The following ZNF644 variants were observed in gnomAD, a reference collection of about 807,000 sequenced individuals.
The protein encoded by ZNF644 is zinc finger protein 644.
Under a neutral mutation model 108.0 loss-of-function variants are expected in ZNF644, and 20 were observed. The ratio of observed to expected loss-of-function variants is 0.19; its 90% CI spans 0.13 to 0.27. The LOEUF (loss-of-function observed/expected upper bound fraction) is 0.27, where lower values mean the gene tolerates loss of function less well. Ranked by LOEUF, ZNF644 falls within the 10% of genes least tolerant of loss-of-function variation. The pLI, the probability that ZNF644 is intolerant of heterozygous loss-of-function variation, is 1.00. For synonymous variants in ZNF644, 542 were observed against 539.1 expected (o/e 1.01, Z -0.08); for missense variants, 1,338 against 1,548.9 (o/e 0.86, Z 2.29).
rs71087915 is a variant in ZNF644, at chr1:90,963,715, TA to T, written c.44+18594del. The stretch of plus-strand genomic sequence containing the variant: ...ATTTCTGAAAAATTTCAGAAACAAG[TA>T]AAAAAAAGTTATTTTCTTTTAAGTC... On this transcript the variant is annotated intron_variant, in intron 2 of 5. Transcript: ENST00000337393. Among the ~76,000 whole-genome samples the T allele has an allele frequency of 2.0e-5, 3 of 151,726 alleles. No homozygotes were observed. In the South Asian group the frequency reaches 6.2e-4, roughly 32 times the overall value.
At position 90,918,047 on chromosome 1, in the gene ZNF644, T is replaced by C; in HGVS notation, c.3791+5A>G. 2 of 1,611,992 alleles carry C rather than the reference T, an allele frequency of 1.2e-6. No individual in the cohort carries two copies. The highest frequency in any genetic ancestry group is 1.7e-6 in the Non-Finnish European group (2 of 1,178,096). ...CTGATCAGATTTGGCAATATAGGCA[T>C]ATACCTGCATCGGAGAATGTAAACC... On this transcript the variant is annotated splice_donor_5th_base_variant and intron_variant, in intron 5 of 5. Transcript: ENST00000337393.
chr1:90,916,719 A>C lies in ZNF644; in HGVS notation c.*79T>G. On this transcript the variant is annotated 3_prime_UTR_variant, in exon 6 of 6. Transcript: ENST00000337393. Reference sequence around the variant, plus strand: ...TTCCTGCTTTAGTATTTATAAACAGATAATTTAATGTGGCTTAAAAAAAAA... The same window carrying C: ...TTCCTGCTTTAGTATTTATAAACAGCTAATTTAATGTGGCTTAAAAAAAAA... 2 of 1,506,996 alleles carry C rather than the reference A, an allele frequency of 1.3e-6. No homozygotes were observed. Among genetic ancestry groups the C allele is most frequent in the Non-Finnish European group, 1.8e-6 (2 of 1,090,724 alleles). 93.4% of individuals were successfully genotyped at this position (1,506,996 alleles called of 1,614,324 possible).
intron 2 of ZNF644, among the ~76,000 whole-genome samples, chr1:90,954,433 G>A (rs1653530281): frequency 2.0e-5 from 3 of 151,182 alleles, no homozygotes; most frequent in Admixed American, 6.6e-5. Flanking sequence ...TTGAGACAGA[G>A]TCTCACTCTG....
chr1:90,943,420 AAC>A (rs1443522251), intron 2 of ZNF644, among the ~76,000 whole-genome samples: 1 of 152,202 alleles, frequency 6.6e-6, no homozygotes, highest in Non-Finnish European at 1.5e-5. Flanking sequence ...CAGCCTGTGC[AAC>A]AGAGTGAGAC....
At position 90,939,433 on chromosome 1, in the gene ZNF644, T is replaced by C. The variant is rs777983943; in HGVS notation, c.1921A>G (p.Lys641Glu). 2 of 1,613,852 alleles carry C rather than the reference T, an allele frequency of 1.2e-6. No individual in the cohort carries two copies. Among genetic ancestry groups the C allele is most frequent in the African/African-American group, 2.7e-5 (2 of 74,936 alleles). Residue 641 changes from lysine (K) to glutamate (E), a missense_variant, in exon 3 of 6, where the codon AAA (lysine) becomes GAA (glutamate). Transcript: ENST00000337393. ...GTTGACTGTTGTTTAGTTAATGTTT[T>C]AGTGCTATCACTATCTACAGGTTCT... ...LEEPVDSDSTKTLTKQQSTTF... is the reference protein window; with the variant it reads ...LEEPVDSDSTETLTKQQSTTF...
intron 2 of ZNF644, among the ~76,000 whole-genome samples, chr1:90,976,768 G>A (rs1656052964): frequency 6.6e-6 from 1 of 152,050 alleles, no homozygotes; most frequent in Non-Finnish European, 1.5e-5. Flanking sequence ...CAGATATACA[G>A]TTGACCCTTC....
chr1:90,998,424 C>A (rs985755029), intron 1 of ZNF644, among the ~76,000 whole-genome samples: 1 of 152,224 alleles, frequency 6.6e-6, no homozygotes, highest in Admixed American at 6.5e-5. Flanking sequence ...TGCTGATACC[C>A]AGGCAAACAG....
chr1:90,982,283 C>T (rs1570495775), intron 2 of ZNF644, 27 bp downstream of exon 2: 2 of 1,581,458 alleles, frequency 1.3e-6, no homozygotes, highest in Admixed American at 3.3e-5. Context: ...TTGATATGTA[C>T]ATTTAACAAA....
intron 2 of ZNF644, among the ~76,000 whole-genome samples, chr1:90,963,381 TG>T (rs931771406): frequency 2.6e-5 from 4 of 152,120 alleles, no homozygotes; most frequent in Middle Eastern, 3.2e-3. Flanking sequence ...CTCATATACT[TG>T]ATGTGATTGA....
intron 2 of ZNF644, chr1:90,973,062 A>G (rs1655658009): frequency 1.3e-5 from 2 of 151,992 alleles, no homozygotes; most frequent in South Asian, 4.1e-4. Flanking sequence ...ATATAGGAAC[A>G]CTCAACTGTA....
intron 2 of ZNF644, among the ~76,000 whole-genome samples, chr1:90,944,773 A>C (rs1652350426): frequency 6.6e-6 from 1 of 152,168 alleles, no homozygotes; most frequent in Non-Finnish European, 1.5e-5. Context: ...GTGGGTACTT[A>C]TTTTAGGAAC....
chr1:90,965,239 A>T (rs1654738556), intron 2 of ZNF644, among the ~76,000 whole-genome samples: 1 of 152,186 alleles, frequency 6.6e-6, no homozygotes, highest in Non-Finnish European at 1.5e-5. Context: ...CCAAGACAAA[A>T]GTACAGTAGG....
intron 1 of ZNF644, among the ~76,000 whole-genome samples, chr1:90,994,556 T>C (rs1163224795): frequency 3.3e-5 from 5 of 151,932 alleles, no homozygotes; most frequent in Non-Finnish European, 2.9e-5. Flanking sequence ...CCTGAAGGGA[T>C]TGAGGAAAAA....
chr1:90,920,402 C>CA (rs1411044183), intron 4 of ZNF644, among the ~76,000 whole-genome samples: 11 of 151,852 alleles, frequency 7.2e-5, no homozygotes, highest in Admixed American at 7.2e-4. Flanking sequence ...GGAAGAAGGG[C>CA]AGGAGGATGG....
At chr1:90,917,686 C>T (rs915842918) in intron 5 of ZNF644, among the ~76,000 whole-genome samples, 1 of 152,056 alleles carries the variant, frequency 6.6e-6, no homozygotes, top group African/African-American at 2.4e-5. Flanking sequence ...TTAGTAGACA[C>T]GAGGTTTCAT....
rs563767185 is a variant in ZNF644 at position 90,960,453 on chromosome 1, T to C, written c.45-19144A>G. On this transcript the variant is annotated intron_variant, in intron 2 of 5. Transcript: ENST00000337393. ...CAATAAGGTTTGGTACGACCTGCAG[T>C]TTCAGACATCCTCTGGCAGTCTTCA... Among the ~76,000 whole-genome samples, 3 of 152,154 alleles carry C rather than the reference T, an allele frequency of 2.0e-5. No homozygotes were observed. The East Asian group carries it at 5.8e-4, about 29-fold the overall frequency.
At chr1:90,994,255 C>T (rs148658931) in intron 1 of ZNF644, among the ~76,000 whole-genome samples, 1 of 152,048 alleles carries the variant, frequency 6.6e-6, no homozygotes, top group Admixed American at 6.6e-5. Flanking sequence ...AAATCCAAGC[C>T]AAAAATAAAG....
chr1:90,961,736 CTT>C (rs1357052490), intron 2 of ZNF644, among the ~76,000 whole-genome samples: 6 of 152,178 alleles, frequency 3.9e-5, no homozygotes, highest in South Asian at 2.1e-4. Context: ...TTAAAATAAA[CTT>C]ATAAACATTT....
chr1:90,992,583 C>A (rs1657750280), intron 1 of ZNF644, among the ~76,000 whole-genome samples: 1 of 152,122 alleles, frequency 6.6e-6, no homozygotes, highest in South Asian at 2.1e-4. Flanking sequence ...TTTGTACCTG[C>A]CCCAATTTCT....
Sources: gnomAD v4.1 joint callset for allele counts (sites outside exome capture counted in the v4.1 genomes callset) on GRCh38, gnomAD v4.1.1 for gene constraint, MANE v1.5 for transcripts, NCBI Gene and HGNC (gene_info 2026-07-23, HGNC 2026-07-21) for gene names.